Variants in SYNE3 observed in about 807,000 individuals in gnomAD.
SYNE3 encodes the protein spectrin repeat containing nuclear envelope family member 3.
In SYNE3, 100 loss-of-function variants were observed where a neutral mutation model predicts 111.2. That is an observed-to-expected ratio of 0.90 (90% CI 0.77 to 1.06). The LOEUF is 1.06. Ranked by LOEUF, SYNE3 falls within the 50% of genes least tolerant of loss-of-function variation. SYNE3 has a pLI of 0.00. For missense variants in SYNE3, 1,160 were observed against 1,240.3 expected (o/e 0.94, Z 0.97); for synonymous variants, 547 against 533.9 (o/e 1.02, Z -0.34).
intron 1 of SYNE3, among the ~76,000 whole-genome samples, chr14:95,479,415 A>G (rs1283270972): frequency 6.6e-6 from 1 of 152,126 alleles, no homozygotes; most frequent in East Asian, 1.9e-4. Context: ...AGCACACACC[A>G]TGCTTGGAAA....
chr14:95,485,065 G>C lies in SYNE3; in HGVS notation c.-14-9230C>G, dbSNP rs1728025213. ...CAGGACCTCACTTTGAGAACCATGGGCTTGGAGGATGTCTCAGCCTCCCGT... is the reference window on the plus strand; with the variant it reads ...CAGGACCTCACTTTGAGAACCATGGCCTTGGAGGATGTCTCAGCCTCCCGT... On this transcript the variant is annotated intron_variant, in intron 1 of 17. Transcript: ENST00000682763. The surrounding 1 kb of genome is among the most constrained non-coding windows in gnomAD (Gnocchi z 4.3). Among the ~76,000 whole-genome samples, 1 of 152,158 alleles carries C rather than the reference G, an allele frequency of 6.6e-6. No homozygotes were observed. Among genetic ancestry groups the C allele is most frequent in the Non-Finnish European group, 1.5e-5 (1 of 68,024 alleles).
chr14:95,452,857 T>C (rs1317977100), intron 6 of SYNE3, among the ~76,000 whole-genome samples: 2 of 152,208 alleles, frequency 1.3e-5, no homozygotes, highest in African/African-American at 2.4e-5. Context: ...GAGCAGGGCC[T>C]CTTCATGCCT....
At chr14:95,486,484 G>C (rs1889555628) in intron 1 of SYNE3, among the ~76,000 whole-genome samples, 1 of 151,776 alleles carries the variant, frequency 6.6e-6, no homozygotes, top group Admixed American at 6.6e-5. Flanking sequence ...GACCCTCCCT[G>C]AACCCCCCAG....
intron 1 of SYNE3, among the ~76,000 whole-genome samples, chr14:95,496,489 G>A (rs897315892): frequency 1.3e-5 from 2 of 152,172 alleles, no homozygotes; most frequent in African/African-American, 4.8e-5. Context: ...TGTGAGCTGG[G>A]GATTTTAACC....
At chr14:95,471,243 C>T (rs1054817985) in intron 2 of SYNE3, among the ~76,000 whole-genome samples, 11 of 152,292 alleles carry the variant, frequency 7.2e-5, no homozygotes, top group Admixed American at 3.3e-4. Flanking sequence ...AAGTGAAATT[C>T]CATCTCCCTT....
chr14:95,421,030 C>T (rs1297962259), intron 17 of SYNE3, among the ~76,000 whole-genome samples: 1 of 152,194 alleles, frequency 6.6e-6, no homozygotes, highest in Non-Finnish European at 1.5e-5. Flanking sequence ...GGGGTTTCCC[C>T]TTTCACTTGG....
intron 17 of SYNE3, among the ~76,000 whole-genome samples, chr14:95,419,570 G>C (rs1884957516): frequency 6.6e-6 from 1 of 151,948 alleles, no homozygotes; most frequent in Admixed American, 6.6e-5. Flanking sequence ...AAAGAACCAA[G>C]GTTCACCCTC....
intron 1 of SYNE3, among the ~76,000 whole-genome samples, chr14:95,482,065 T>G (rs1430321337): frequency 6.6e-6 from 1 of 152,214 alleles, no homozygotes; most frequent in Non-Finnish European, 1.5e-5. Flanking sequence ...ATGCCACTGG[T>G]GAGGGGCTGA....
intron 17 of SYNE3, among the ~76,000 whole-genome samples, chr14:95,428,570 A>C (rs1487527315): frequency 6.6e-6 from 1 of 152,232 alleles, no homozygotes; most frequent in African/African-American, 2.4e-5. Context: ...GCAAACTAGC[A>C]CTGCCCTATT....
chr14:95,417,947 A>G lies in SYNE3; in HGVS notation c.2807T>C (p.Leu936Pro). The G allele has an allele frequency of 1.2e-6, 2 of 1,613,766 alleles. No homozygotes were observed. Among genetic ancestry groups the G allele is most frequent in the Non-Finnish European group, 1.7e-6 (2 of 1,179,978 alleles). ...VALPLQLLLL[L>P]FLLLLFLLPI... ...GAGCAGGAACAGCAGGAGGAGGAACAGCAGCAGAAGCAGCTGCAGTGGGAG... is the reference window on the plus strand; with the variant it reads ...GAGCAGGAACAGCAGGAGGAGGAACGGCAGCAGAAGCAGCTGCAGTGGGAG... The change falls in exon 18 of 18, where the codon CTG becomes CCG. Residue 936 changes from leucine (L) to proline (P), a missense_variant. Coordinates refer to ENST00000682763, the MANE Select transcript of SYNE3 (RefSeq NM_152592.6).
At chr14:95,424,369 A>G (rs1459404925) in intron 17 of SYNE3, among the ~76,000 whole-genome samples, 1 of 152,128 alleles carries the variant, frequency 6.6e-6, no homozygotes, top group Non-Finnish European at 1.5e-5. Context: ...TAGTGTGCAA[A>G]CCACAGGCTT....
chr14:95,487,442 C>G (rs1164628026), intron 1 of SYNE3, among the ~76,000 whole-genome samples: 1 of 152,206 alleles, frequency 6.6e-6, no homozygotes, highest in East Asian at 1.9e-4. Flanking sequence ...GTTTCACTGT[C>G]CGTGTTGCTG....
intron 2 of SYNE3, among the ~76,000 whole-genome samples, chr14:95,473,650 C>T (rs1888674129): frequency 6.6e-6 from 1 of 151,930 alleles, no homozygotes; most frequent in African/African-American, 2.4e-5. Flanking sequence ...GGAGCTAAGG[C>T]CGGTGTAAGC....
intron 17 of SYNE3, among the ~76,000 whole-genome samples, chr14:95,426,101 CAAGTGTAGAG>C (rs1440716951): frequency 1.3e-5 from 2 of 152,202 alleles, no homozygotes; most frequent in Non-Finnish European, 2.9e-5. Context: ...ATAGAAAGAG[CAAGTGTAGAG>C]AATGCTTCTC....
chr14:95,481,941 A>G (rs1187740), intron 1 of SYNE3, among the ~76,000 whole-genome samples: 82,337 of 152,124 alleles, frequency 0.54, 23,055 homozygotes, highest in African/African-American at 0.68. Flanking sequence ...TTGCCAACTG[A>G]GGCTGAGGGC....
chr14:95,463,308 G>A (rs1212195510), intron 4 of SYNE3, among the ~76,000 whole-genome samples: 1 of 152,194 alleles, frequency 6.6e-6, no homozygotes, highest in Non-Finnish European at 1.5e-5. Flanking sequence ...TGTGTGAGGG[G>A]AGAACTCCCT....
At chr14:95,482,169 C>T (rs1209629501) in intron 1 of SYNE3, among the ~76,000 whole-genome samples, 3 of 152,058 alleles carry the variant, frequency 2.0e-5, no homozygotes, top group African/African-American at 4.8e-5. Flanking sequence ...CGTGGTGACT[C>T]ACGTTTGTAA....
intron 1 of SYNE3, among the ~76,000 whole-genome samples, chr14:95,481,794 C>T (rs929397462): frequency 6.6e-6 from 1 of 152,222 alleles, no homozygotes; most frequent in African/African-American, 2.4e-5. Context: ...CTCCCTTTGC[C>T]CGATTCCAGG....
chr14:95,423,407 T>A (rs1321761772), intron 17 of SYNE3, among the ~76,000 whole-genome samples: 2 of 152,164 alleles, frequency 1.3e-5, no homozygotes, highest in Non-Finnish European at 2.9e-5. Context: ...GAGACCAAGG[T>A]CAGTGAGGGT....
Sources: allele counts gnomAD v4.1 joint callset (sites outside exome capture counted in the v4.1 genomes callset), GRCh38; gene constraint gnomAD v4.1.1; non-coding constraint Gnocchi (gnomAD v3.1); transcripts MANE v1.5; gene names NCBI Gene and HGNC (gene_info 2026-07-23, HGNC 2026-07-21).